Variants in HNRNPM observed in about 807,000 individuals in gnomAD.
The protein encoded by HNRNPM is heterogeneous nuclear ribonucleoprotein M.
A neutral mutation model predicts 73.1 loss-of-function variants in HNRNPM; 11 were observed. The observed-to-expected ratio is 0.15, with a 90% CI of 0.09 to 0.25. HNRNPM has a LOEUF of 0.25. Among genes scored for constraint, HNRNPM ranks in the 10% least tolerant of loss-of-function variants. The pLI is 1.00. For synonymous variants in HNRNPM, 407 were observed against 355.2 expected, an observed-to-expected ratio of 1.15 and a Z score of -1.64; for missense variants, 789 against 1,067.9, an observed-to-expected ratio of 0.74 and a Z score of 3.64.
At chr19:8,445,534 G>A (rs777285538) in intron 1 of HNRNPM, 66 of 157,178 alleles carry the variant, frequency 4.2e-4, no homozygotes, top group Non-Finnish European at 8.1e-4. Context: ...AACGTGGGGG[G>A]AGGAGAGAGG....
At chr19:8,475,208 C>T (rs570319895) in intron 12 of HNRNPM, among the ~76,000 whole-genome samples, 138 of 152,346 alleles carry the variant, frequency 9.1e-4, no homozygotes, top group Non-Finnish European at 1.4e-3. Flanking sequence ...GGCTGTCTGG[C>T]TCCAGAGCCT....
intron 2 of HNRNPM, among the ~76,000 whole-genome samples, chr19:8,455,875 G>A (rs1264163385): frequency 3.3e-5 from 5 of 151,778 alleles, no homozygotes; most frequent in African/African-American, 9.7e-5. Context: ...TTAGGCTTCC[G>A]GGGAGCCTTT....
chr19:8,465,298 C>G (rs768506504), intron 5 of HNRNPM, 26 bp from the exon 6 acceptor site: 1 of 1,577,074 alleles, frequency 6.3e-7, no homozygotes, highest in African/African-American at 1.4e-5. Flanking sequence ...GTCAGTTAAA[C>G]GTAACACCTT....
intron 5 of HNRNPM, 25 bp from the exon 6 acceptor site, chr19:8,465,299 G>C: frequency 6.3e-7 from 1 of 1,580,034 alleles, no homozygotes; most frequent in East Asian, 2.3e-5. Flanking sequence ...TCAGTTAAAC[G>C]TAACACCTTT....
At chr19:8,463,391 A>C (rs1357986370) in intron 3 of HNRNPM, 106 bp from the exon 4 acceptor site, 1 of 1,265,338 alleles carries the variant, frequency 7.9e-7, no homozygotes, top group African/African-American at 1.5e-5. Flanking sequence ...TTTGTGACAT[A>C]AATCATATTT....
At chr19:8,453,569 C>G (rs187818393) in intron 1 of HNRNPM, among the ~76,000 whole-genome samples, 6 of 152,152 alleles carry the variant, frequency 3.9e-5, no homozygotes, top group African/African-American at 1.4e-4. Context: ...ATCATTAATA[C>G]TGTAGTCTTG....
intron 8 of HNRNPM, 113 bp downstream of exon 8, chr19:8,467,697 T>G (rs1449924412): frequency 1.2e-6 from 1 of 842,768 alleles, no homozygotes; most frequent in Non-Finnish European, 2.0e-6. Context: ...CTAAGTTAAA[T>G]AGGGTGCAGT....
chr19:8,466,137 C>T, intron 6 of HNRNPM, 98 bp from the exon 7 acceptor site: 1 of 1,225,754 alleles, frequency 8.2e-7, no homozygotes. Context: ...TTTCCTAATA[C>T]TTTTTTCCAA....
At chr19:8,451,617 A>T (rs1968635152) in intron 1 of HNRNPM, among the ~76,000 whole-genome samples, 1 of 151,640 alleles carries the variant, frequency 6.6e-6, no homozygotes, top group South Asian at 2.1e-4. Flanking sequence ...GGCTTACTGT[A>T]CCCTTGACCT....
At chr19:8,460,709 G>T (rs1405175876) in intron 2 of HNRNPM, among the ~76,000 whole-genome samples, 1 of 152,222 alleles carries the variant, frequency 6.6e-6, no homozygotes, top group African/African-American at 2.4e-5. Context: ...ATGCAACTGG[G>T]ACTTGAATTT....
At chr19:8,447,215 G>A (rs2145597773) in intron 1 of HNRNPM, among the ~76,000 whole-genome samples, 1 of 150,988 alleles carries the variant, frequency 6.6e-6, no homozygotes, top group East Asian at 1.9e-4. Context: ...GGATAGTTTA[G>A]GAAGCTGGCA....
chr19:8,488,359 CA>C (rs1971464543), intron 15 of HNRNPM: 2 of 236,658 alleles, frequency 8.5e-6, no homozygotes, highest in Non-Finnish European at 1.7e-5. Flanking sequence ...GCTTTGTAAC[CA>C]GGGGCGGTGG....
chr19:8,466,403 G>T lies in HNRNPM; in HGVS notation c.784+15G>T. 1.2e-6 allele frequency: 2 copies of T among 1,613,484 alleles called. No homozygotes were observed. Reference sequence around the variant, plus strand: ...GCAAGCTATATGTATCCTTCTGCAGGAATTCAACTTATGAACAGTTTGACC... The same window carrying T: ...GCAAGCTATATGTATCCTTCTGCAGTAATTCAACTTATGAACAGTTTGACC... On this transcript the variant is annotated intron_variant, in intron 7 of 15. Coordinates refer to ENST00000325495, the MANE Select transcript of HNRNPM (RefSeq NM_005968.5).
At position 8,471,303 on chromosome 19, in the gene HNRNPM, GCTT is replaced by G. The variant is rs767687532; in HGVS notation, c.896-19_896-17del. 2.7e-6 allele frequency: 4 copies of G among 1,474,788 alleles called. No homozygotes were observed. The highest frequency in any genetic ancestry group is 2.8e-6 in the Non-Finnish European group (3 of 1,082,218). The allele number at this position is 1,474,788 out of a possible 1,614,324, so 91.4% of individuals were successfully genotyped here. A position where few individuals can be genotyped will look rare whatever the true frequency, so the allele number is the denominator to read the frequency against. ...GGTTTGCTAAATAGGGGAAAACTAA[GCTT>G]CTTTCTCTTTTCTTTCCAGATGGCC... is the stretch of plus-strand genomic sequence containing the variant. On this transcript the variant is annotated intron_variant, in intron 9 of 15. Transcript: ENST00000325495.
intron 12 of HNRNPM, among the ~76,000 whole-genome samples, chr19:8,479,241 G>A (rs1970737841): frequency 6.6e-6 from 1 of 151,680 alleles, no homozygotes; most frequent in Admixed American, 6.6e-5. Context: ...ACCACACCCA[G>A]CTAATTTTCT....
chr19:8,446,320 C>T (rs115206438), intron 1 of HNRNPM, among the ~76,000 whole-genome samples: 2,113 of 152,304 alleles, frequency 0.014, 42 homozygotes, highest in African/African-American at 0.039. Context: ...CGTTTTCTTT[C>T]CTTTCTGTCT....
intron 12 of HNRNPM, among the ~76,000 whole-genome samples, chr19:8,480,896 C>T (rs892629461): frequency 6.6e-6 from 1 of 152,148 alleles, no homozygotes; most frequent in Non-Finnish European, 1.5e-5. Context: ...GCTGCGGTTA[C>T]ACCTTCTTTC....
intron 12 of HNRNPM, among the ~76,000 whole-genome samples, chr19:8,474,693 A>G (rs968517779): frequency 6.8e-6 from 1 of 147,964 alleles, no homozygotes; most frequent in Non-Finnish European, 1.5e-5. Flanking sequence ...CTGGTTTAGT[A>G]TAATTCAAAT....
chr19:8,486,493 G>A (rs143266400), intron 14 of HNRNPM, 88 bp downstream of exon 14: 17 of 1,160,756 alleles, frequency 1.5e-5, no homozygotes, highest in African/African-American at 1.2e-4. Flanking sequence ...CAGAGGTGGC[G>A]CCCTTCAAAG....
Sources: gnomAD v4.1 joint callset for allele counts (sites outside exome capture counted in the v4.1 genomes callset) on GRCh38, gnomAD v4.1.1 for gene constraint, MANE v1.5 for transcripts, NCBI Gene and HGNC (gene_info 2026-07-23, HGNC 2026-07-21) for gene names.